Variants in RUNX3 observed in about 807,000 individuals in gnomAD.
RUNX3 encodes RUNX family transcription factor 3, also known as runt-related transcription factor 3.
RUNX3 carries 10 observed loss-of-function variants against 27.7 expected under a neutral mutation model. The observed-to-expected ratio is 0.36, with a 90% CI of 0.22 to 0.61. The LOEUF (loss-of-function observed/expected upper bound fraction) is 0.61. Among genes scored for constraint, RUNX3 ranks in the 20% least tolerant of loss-of-function variants. The pLI, the probability that RUNX3 is intolerant of heterozygous loss-of-function variation, is 0.72. For missense variants in RUNX3, 469 were observed against 629.5 expected (o/e 0.75, Z 2.73); for synonymous variants, 270 against 269.2 (o/e 1.00, Z -0.03).
chr1:24,910,703 A>T (rs1344711943), intron 3 of RUNX3, among the ~76,000 whole-genome samples: 1 of 152,170 alleles, frequency 6.6e-6, no homozygotes, highest in East Asian at 1.9e-4. Context: ...GTCACCAAGA[A>T]CCAGGGAGCC....
chr1:24,952,341 A>G (rs1161045114), intron 2 of RUNX3, among the ~76,000 whole-genome samples: 1 of 152,196 alleles, frequency 6.6e-6, no homozygotes, highest in African/African-American at 2.4e-5. Flanking sequence ...ACCCCAAGAG[A>G]TAACTCAATA....
chr1:24,964,703 G>A, intron 1 of RUNX3: 2 of 1,493,772 alleles, frequency 1.3e-6, no homozygotes, highest in South Asian at 1.3e-5. Context: ...GTTGCTTTTT[G>A]TTGTTTTTTG....
chr1:24,921,346 C>G (rs555708401), intron 2 of RUNX3, among the ~76,000 whole-genome samples: 15 of 152,278 alleles, frequency 9.9e-5, no homozygotes, highest in African/African-American at 3.6e-4. Context: ...GCCACAGGAC[C>G]CAAGGCCCTC....
At chr1:24,942,390 A>T (rs1641499747) in intron 2 of RUNX3, among the ~76,000 whole-genome samples, 1 of 152,170 alleles carries the variant, frequency 6.6e-6, no homozygotes, top group Admixed American at 6.5e-5. Flanking sequence ...GCAAATAAAT[A>T]AGCACGCCAA....
chr1:24,942,176 G>T (rs576712124), intron 2 of RUNX3, among the ~76,000 whole-genome samples: 5 of 150,286 alleles, frequency 3.3e-5, no homozygotes, highest in African/African-American at 1.3e-4. Flanking sequence ...CTTAGATGAG[G>T]GGGGGAGATG....
rs1642140080 is a variant in RUNX3 at position 24,962,449 on chromosome 1, C to A, written c.58+2065G>T. ...TGGGGTTGGCACCCTGCAAATGGGA[C>A]CCTGGGGCTGCGTCTCTTTGAGGAA... On this transcript the variant is annotated intron_variant, in intron 2 of 6. Coordinates refer to the RUNX3 transcript ENST00000338888. This position sits in a 1 kb window ranked among gnomAD's most constrained non-coding sequence, Gnocchi z 4.5. 6.6e-6 allele frequency among the ~76,000 whole-genome samples: 1 copy of A among 152,194 alleles called. No individual in the cohort carries two copies. The highest frequency in any genetic ancestry group is 2.4e-5 in the African/African-American group (1 of 41,438).
In RUNX3 at chr1:24,929,881, C is replaced by G. The variant is rs1367192377; in HGVS notation, c.-13G>C. The G allele has an allele frequency of 4.7e-6, 6 of 1,276,746 alleles. No individual in the cohort carries two copies. The highest frequency in any genetic ancestry group is 5.9e-6 in the Non-Finnish European group (6 of 1,014,852). 79.1% of individuals were successfully genotyped at this position (1,276,746 alleles called of 1,614,324 possible). A position where few individuals can be genotyped will look rare whatever the true frequency, so the allele number is the denominator to read the frequency against. ...CGGGAATACGCATAACAGCGGCCGT[C>G]AGGGCGCCGGGCAGGCGGAGACGGC... On this transcript the variant is annotated 5_prime_UTR_variant, in exon 1 of 5. Transcript: ENST00000308873.
intron 2 of RUNX3, among the ~76,000 whole-genome samples, chr1:24,922,502 C>T (rs530984115): frequency 6.6e-6 from 1 of 152,296 alleles, no homozygotes; most frequent in Admixed American, 6.5e-5. Context: ...ACAGACGTCA[C>T]AGATACTTAC....
chr1:24,902,290 C>T lies in RUNX3; in HGVS notation c.1080G>A (p.Met360Ile). The change falls in exon 5 of 5, where the codon ATG becomes ATA. Residue 360 changes from methionine to isoleucine, a missense_variant. Met to Ile is a conservative substitution (Grantham distance 10). Transcript: ENST00000308873. The surrounding 1 kb of genome is among the most constrained non-coding windows in gnomAD (Gnocchi z 9.2). ...SSGGDRSPTR[M>I]LASCTSSAAS... ...CAGCGCTGCTGGTGCAAGAGGCCAG[C>T]ATGCGGGTAGGTGAGCGGTCGCCCC... 1 of 1,601,378 alleles carries T rather than the reference C, an allele frequency of 6.2e-7. No homozygotes were observed. Among genetic ancestry groups the T allele is most frequent in the Non-Finnish European group, 8.5e-7 (1 of 1,175,918 alleles).
At position 24,919,561 on chromosome 1, in the gene RUNX3, C is replaced by A. The variant is rs1357297057; in HGVS notation, c.440-217G>T. On this transcript the variant is annotated intron_variant, in intron 2 of 4. Coordinates refer to ENST00000308873, the MANE Select transcript of RUNX3 (RefSeq NM_004350.3). ...GGGTCTGACGCCAACTTTGTCAACC[C>A]CCCGCCCCATGCCGTGACCACCCTG... 6.3e-6 allele frequency: 3 copies of A among 474,180 alleles called. No homozygotes were observed. The South Asian group carries it at 7.6e-5, about 12-fold the overall frequency. The allele number at this position is 474,180 out of a possible 1,614,324, so 29.4% of individuals were successfully genotyped here.
chr1:24,925,653 C>T (rs1437467645), intron 2 of RUNX3, among the ~76,000 whole-genome samples: 1 of 151,660 alleles, frequency 6.6e-6, no homozygotes, highest in African/African-American at 2.4e-5. Flanking sequence ...TCAAAGACCT[C>T]GAGCCTCTGA....
At chr1:24,937,838 C>G (rs2124329166) in intron 2 of RUNX3, among the ~76,000 whole-genome samples, 2 of 152,298 alleles carry the variant, frequency 1.3e-5, no homozygotes, top group East Asian at 3.9e-4. Flanking sequence ...GTTGTTTGTG[C>G]CACTTGTAAA....
chr1:24,906,233 G>C (rs565442300), intron 4 of RUNX3, among the ~76,000 whole-genome samples: 1 of 152,344 alleles, frequency 6.6e-6, no homozygotes, highest in South Asian at 2.1e-4. Context: ...CAGAAGTACA[G>C]AAAGTTCTTG....
intron 3 of RUNX3, among the ~76,000 whole-genome samples, chr1:24,908,148 C>T (rs113235816): frequency 0.01 from 1,276 of 125,374 alleles, 68 homozygotes; most frequent in African/African-American, 0.043. Flanking sequence ...CGCGGTGATC[C>T]GAACCTCTAC....
intron 2 of RUNX3, among the ~76,000 whole-genome samples, chr1:24,926,019 C>T (rs989142369): frequency 5.3e-5 from 8 of 152,184 alleles, no homozygotes; most frequent in African/African-American, 1.9e-4. Context: ...CTCTTTCTCT[C>T]GCTTCCCAGG....
At chr1:24,959,893 A>C (rs1305616597) in intron 2 of RUNX3, among the ~76,000 whole-genome samples, 1 of 152,140 alleles carries the variant, frequency 6.6e-6, no homozygotes, top group Non-Finnish European at 1.5e-5. Context: ...CCACGCTCCC[A>C]GCCCTCCCTG....
intron 2 of RUNX3, among the ~76,000 whole-genome samples, chr1:24,922,782 CAAAAAAAAAA>C (rs57671911): frequency 1.9e-4 from 4 of 21,560 alleles, no homozygotes; most frequent in Admixed American, 1.1e-3. Context: ...GCCCACAGGG[CAAAAAAAAAA>C]AAAAAAAAAA....
intron 4 of RUNX3, among the ~76,000 whole-genome samples, chr1:24,905,143 G>A (rs1175532262): frequency 6.6e-6 from 1 of 152,190 alleles, no homozygotes; most frequent in Non-Finnish European, 1.5e-5. Flanking sequence ...GGAAGTGGTG[G>A]TGGGGTGTCC....
intron 2 of RUNX3, among the ~76,000 whole-genome samples, chr1:24,953,100 C>A (rs939079485): frequency 6.6e-6 from 1 of 152,106 alleles, no homozygotes; most frequent in Non-Finnish European, 1.5e-5. Context: ...GGCGCGGTGG[C>A]TCAAGCCTGC....
Sources: allele counts gnomAD v4.1 joint callset (sites outside exome capture counted in the v4.1 genomes callset), GRCh38; gene constraint gnomAD v4.1.1; non-coding constraint Gnocchi (gnomAD v3.1); transcripts MANE v1.5; gene names NCBI Gene and HGNC (gene_info 2026-07-23, HGNC 2026-07-21).